The following LAMB1 variants were observed in gnomAD, a reference collection of about 807,000 sequenced individuals.
LAMB1 encodes laminin subunit beta-1.
Under a neutral mutation model 222.3 loss-of-function variants are expected in LAMB1, and 121 were observed. The observed-to-expected ratio is 0.54, with a 90% confidence interval of 0.47 to 0.63. The LOEUF is 0.63. Among genes scored for constraint, LAMB1 ranks in the 30% least tolerant of loss-of-function variants. The pLI, the probability that LAMB1 is intolerant of heterozygous loss-of-function variation, is 0.00. For missense variants in LAMB1, 2,172 were observed against 2,240.8 expected (o/e 0.97, Z 0.62); for synonymous variants, 794 against 807.2 (o/e 0.98, Z 0.28).
At chr7:107,970,696 G>T (rs1456901227) in intron 13 of LAMB1, among the ~76,000 whole-genome samples, 2 of 151,696 alleles carry the variant, frequency 1.3e-5, no homozygotes, top group African/African-American at 2.4e-5. Context: ...CATTAACTTG[G>T]CTTCAGTTAG....
At chr7:107,932,093 T>G in intron 28 of LAMB1, 81 bp downstream of exon 28, 1 of 1,245,500 alleles carries the variant, frequency 8.0e-7, no homozygotes, top group Non-Finnish European at 1.2e-6. Flanking sequence ...CATTTAGAAT[T>G]GATTTCTCCC....
At position 107,932,330 on chromosome 7, in the gene LAMB1, G is replaced by C; in HGVS notation, c.4236C>G (p.Gly1412=). ...CTTCGTCAGTTCTGCAGTTTGGCCC[G>C]CCACATTCAGTCTCGGAACAGGAGG... ...PGASCSETEC[G]GPNCRTDEGE... The change falls in exon 28 of 34, where the codon GGC becomes GGG. Residue 1412 remains glycine, a synonymous_variant. Coordinates refer to ENST00000222399, the MANE Select transcript of LAMB1 (RefSeq NM_002291.3). The C allele has an allele frequency of 6.2e-7, 1 of 1,614,160 alleles. No homozygotes were observed. The highest frequency in any genetic ancestry group is 8.5e-7 in the Non-Finnish European group (1 of 1,180,030).
intron 22 of LAMB1, among the ~76,000 whole-genome samples, chr7:107,952,507 T>C (rs1438150983): frequency 1.3e-5 from 2 of 152,236 alleles, no homozygotes; most frequent in Non-Finnish European, 2.9e-5. Context: ...GTGAGTCATT[T>C]TAAAATTGAA....
chr7:108,002,999 A>G, intron 1 of LAMB1, 28 bp from the exon 2 acceptor site: 6 of 1,557,968 alleles, frequency 3.9e-6, no homozygotes, highest in Non-Finnish European at 5.2e-6. Flanking sequence ...AGGGGAAAAA[A>G]GGCAAATGTT....
At chr7:107,995,074 C>T (rs570684780) in intron 4 of LAMB1, 114 bp from the exon 5 acceptor site, 10 of 601,704 alleles carry the variant, frequency 1.7e-5, no homozygotes, top group African/African-American at 1.3e-4. Flanking sequence ...AAATTATCCT[C>T]GCATTCTACC....
intron 4 of LAMB1, among the ~76,000 whole-genome samples, chr7:107,996,266 G>C: frequency 6.6e-6 from 1 of 152,170 alleles, no homozygotes; most frequent in East Asian, 1.9e-4. Context: ...ATTCCATTTA[G>C]ATTTATAACC....
rs2033270652 is a variant in LAMB1 at position 107,952,173 on chromosome 7, C to G, written c.3130G>C (p.Asp1044His). ...GTVQEHCNGS[D>H]CQCDKATGQC... ...CCAGTGGCTTTGTCGCACTGGCAGT[C>G]AGAGCCGTTACAGTGCTCTTGCACG... Residue 1044 changes from aspartate to histidine, a missense_variant, in exon 23 of 34, where the codon GAC becomes CAC. Asp to His is a moderately conservative substitution (Grantham distance 81). Transcript: ENST00000222399. 6.2e-7 allele frequency: 1 copy of G among 1,613,346 alleles called. No homozygotes were observed. The highest frequency in any genetic ancestry group is 1.7e-5 in the Admixed American group (1 of 59,958).
intron 27 of LAMB1, among the ~76,000 whole-genome samples, chr7:107,934,902 TAA>T (rs60067306): frequency 0.042 from 3,247 of 76,694 alleles, 222 homozygotes; most frequent in African/African-American, 0.16. Flanking sequence ...TCCATCTCTT[TAA>T]AAAAAAAAAA....
Position 107,982,191 on chromosome 7 carries a change from G to A in LAMB1, c.677-1380C>T, listed in dbSNP as rs573369820. Among the ~76,000 whole-genome samples, 35 of 152,254 alleles carry A rather than the reference G, an allele frequency of 2.3e-4. No individual in the cohort carries two copies. The South Asian group carries it at 4.1e-3, about 18-fold the overall frequency. ...CGAAGAGCCATTCAACCTTCTCCACGGGGTTTTCGTGAGTTACTAAGTTCT... is the reference window on the plus strand; with the variant it reads ...CGAAGAGCCATTCAACCTTCTCCACAGGGTTTTCGTGAGTTACTAAGTTCT... On this transcript the variant is annotated intron_variant, in intron 7 of 33. Transcript: ENST00000222399.
In LAMB1 at chr7:107,953,648, T is replaced by C. The variant is rs2033309029; in HGVS notation, c.2961A>G (p.Pro987=). 1.6e-5 allele frequency: 26 copies of C among 1,614,096 alleles called. No individual in the cohort carries two copies. In the East Asian group the frequency reaches 5.8e-4, roughly 36 times the overall value. Residue 987 remains proline, a synonymous_variant, in exon 22 of 34, where the codon CCA becomes CCG. Transcript: ENST00000222399. ...TCCCAGTCTCCTTGTCACAGGCTTC[T>C]GGGTCTGTCGTGTCAATGTTGTTGT... ...QCHNNIDTTD[P]EACDKETGRC...
intron 5 of LAMB1, among the ~76,000 whole-genome samples, chr7:107,992,926 A>G (rs2034212708): frequency 6.6e-6 from 1 of 152,108 alleles, no homozygotes; most frequent in African/African-American, 2.4e-5. Flanking sequence ...GAACAGGAGA[A>G]CATCACCATT....
chr7:107,977,287 A>G (rs774726942), intron 9 of LAMB1, among the ~76,000 whole-genome samples: 1 of 151,984 alleles, frequency 6.6e-6, no homozygotes, highest in Non-Finnish European at 1.5e-5. Flanking sequence ...CATCAGAATC[A>G]CTGTTTGTGG....
At chr7:107,930,433 A>G (rs569418404) in intron 29 of LAMB1, among the ~76,000 whole-genome samples, 1 of 152,310 alleles carries the variant, frequency 6.6e-6, no homozygotes, top group Admixed American at 6.5e-5. Context: ...TTGACTCCTT[A>G]TTAGCCATGC....
In LAMB1 at chr7:108,001,928, G is replaced by GAAACCCACCCAC. The variant is rs1275151961; in HGVS notation, c.38-196_38-195insGTGGGTGGGTTT. The GAAACCCACCCAC allele has an allele frequency of 1.4e-5, 21 of 1,457,524 alleles. No individual in the cohort carries two copies. In the East Asian group the frequency reaches 4.3e-4, roughly 30 times the overall value. 90.3% of individuals were successfully genotyped at this position (1,457,524 alleles called of 1,614,324 possible). On this transcript the variant is annotated intron_variant, in intron 2 of 33. Transcript: ENST00000222399. ...AAGGCAGGGACTCCGAAAGGAGAAG[G>GAAACCCACCCAC]ACACGGAAAGAAACCCACACACGTC...
intron 4 of LAMB1, among the ~76,000 whole-genome samples, chr7:107,997,138 C>A (rs1055375603): frequency 3.3e-5 from 5 of 152,164 alleles, no homozygotes; most frequent in African/African-American, 1.2e-4. Flanking sequence ...ATTTAACAGT[C>A]GATGGCTGGG....
rs1336535139 is a variant in LAMB1, at chr7:107,932,384, C to A, written c.4189-7G>T. On this transcript the variant is annotated splice_region_variant and splice_polypyrimidine_tract_variant and intron_variant, in intron 27 of 33. Coordinates refer to ENST00000222399, the MANE Select transcript of LAMB1 (RefSeq NM_002291.3). ...CTGGGGGTGTTCCACAGGTCTGCAA[C>A]AAGCCAAGGATCAGGCACAATACTT... is the stretch of plus-strand genomic sequence containing the variant. The A allele has an allele frequency of 6.2e-7, 1 of 1,614,092 alleles. No individual in the cohort carries two copies. Among genetic ancestry groups the A allele is most frequent in the Admixed American group, 1.7e-5 (1 of 60,026 alleles).
intron 27 of LAMB1, among the ~76,000 whole-genome samples, chr7:107,933,374 TA>T (rs2032758122): frequency 6.6e-6 from 1 of 152,232 alleles, no homozygotes; most frequent in Non-Finnish European, 1.5e-5. Flanking sequence ...ATCAACTATT[TA>T]GCCTAATAAT....
chr7:107,961,701 A>C lies in LAMB1; in HGVS notation c.1858-25T>G, dbSNP rs372338420. 3.7e-5 allele frequency: 60 copies of C among 1,604,816 alleles called. No homozygotes were observed. The African/African-American group carries it at 6.7e-4, about 18-fold the overall frequency. Reference sequence around the variant, plus strand: ...GCTAGAATAAGAAACAAACAATGAAAAGATAGTTAGCCCACCACTGCCTGT... The same window carrying C: ...GCTAGAATAAGAAACAAACAATGAACAGATAGTTAGCCCACCACTGCCTGT... On this transcript the variant is annotated intron_variant, in intron 15 of 33. Coordinates refer to ENST00000222399, the MANE Select transcript of LAMB1 (RefSeq NM_002291.3).
chr7:107,986,192 G>A lies in LAMB1; in HGVS notation c.595C>T (p.Pro199Ser). The change falls in exon 6 of 34, where the codon CCC (proline) becomes TCC (serine). Residue 199 changes from proline to serine, a missense_variant. Coordinates refer to ENST00000222399, the MANE Select transcript of LAMB1 (RefSeq NM_002291.3). ...AAACAAACCTCTCCTTCAGTTGAGGGTTCAATGTCAGAATATCGAGAATCA... is the reference window on the plus strand; with the variant it reads ...AAACAAACCTCTCCTTCAGTTGAGGATTCAATGTCAGAATATCGAGAATCA... ...ICDSRYSDIE[P>S]STEGEVIFRA... 1 of 1,614,076 alleles carries A rather than the reference G, an allele frequency of 6.2e-7. No homozygotes were observed. The highest frequency in any genetic ancestry group is 2.2e-5 in the East Asian group (1 of 44,892).
Sources: allele counts gnomAD v4.1 joint callset (sites outside exome capture counted in the v4.1 genomes callset), GRCh38; gene constraint gnomAD v4.1.1; transcripts MANE v1.5; gene names NCBI Gene and HGNC (gene_info 2026-07-23, HGNC 2026-07-21).